Variants in ULK4 observed in about 807,000 individuals in gnomAD.
The protein encoded by ULK4 is inactive serine/threonine-protein kinase ULK4.
A neutral mutation model predicts 160.6 loss-of-function variants in ULK4; 133 were observed. That is an observed-to-expected ratio of 0.83 (90% CI 0.72 to 0.96). ULK4 has a LOEUF of 0.96. Ranked by LOEUF, ULK4 falls within the 40% of genes least tolerant of loss-of-function variation. The pLI is 0.00. For missense variants in ULK4, 1,580 were observed against 1,499.5 expected (o/e 1.05, Z -0.89); for synonymous variants, 534 against 539.8 (o/e 0.99, Z 0.15).
intron 15 of ULK4, 112 bp downstream of exon 15, chr3:41,896,710 C>T (rs567636317): frequency 6.6e-6 from 8 of 1,212,616 alleles, no homozygotes; most frequent in African/African-American, 3.0e-5. Context: ...AACCTAAAAT[C>T]GTGATAAATC....
intron 35 of ULK4, among the ~76,000 whole-genome samples, chr3:41,307,079 C>T (rs1046551226): frequency 6.6e-6 from 1 of 151,080 alleles, no homozygotes; most frequent in African/African-American, 2.4e-5. Context: ...GCTGACCTTC[C>T]CTCCACTATT....
In ULK4 at chr3:41,282,487, A is replaced by G. The variant is rs145214060; in HGVS notation, c.3679-32913T>C. ...ATGGAACAGAACAGAGGCCTCAGAA[A>G]TAACACCACACATCTACAATCATCT... On this transcript the variant is annotated intron_variant, in intron 35 of 36. Transcript: ENST00000301831. Among the ~76,000 whole-genome samples, 158 of 152,364 alleles carry G rather than the reference A, an allele frequency of 1.0e-3. 3 individuals are homozygous for G. In the East Asian group the frequency reaches 0.02, roughly 19 times the overall value.
At chr3:41,520,870 G>T (rs578082970) in intron 32 of ULK4, among the ~76,000 whole-genome samples, 2 of 152,162 alleles carry the variant, frequency 1.3e-5, no homozygotes, top group Non-Finnish European at 2.9e-5. Flanking sequence ...TTGGAGAAAT[G>T]TCTATTCAAG....
At chr3:41,941,755 C>CAAAAAAAAAAAAAAAAAAAAAA (rs565727539) in intron 2 of ULK4, among the ~76,000 whole-genome samples, 1 of 30,728 alleles carries the variant, frequency 3.3e-5, no homozygotes, top group African/African-American at 8.1e-5. Context: ...GACTCTGTCT[C>CAAAAAAAAAAAAAAAAAAAAAA]AAAAAAAAAA....
At chr3:41,432,363 T>C (rs1326619491) in intron 34 of ULK4, among the ~76,000 whole-genome samples, 1 of 152,202 alleles carries the variant, frequency 6.6e-6, no homozygotes, top group Non-Finnish European at 1.5e-5. Context: ...TCTGTTTCTC[T>C]CCGATGAACC....
Position 41,719,830 on chromosome 3 carries a change from T to C in ULK4, c.2322-1969A>G, listed in dbSNP as rs76582599. On this transcript the variant is annotated intron_variant, in intron 22 of 36. Coordinates refer to ENST00000301831, the MANE Select transcript of ULK4 (RefSeq NM_017886.4). ...CCATGGCATCTCATTGTTCTTCACA[T>C]AGGAGTTCTTAAAACTCCCTATCAT... 6.0e-4 allele frequency among the ~76,000 whole-genome samples: 91 copies of C among 152,300 alleles called. No homozygotes were observed. The East Asian group carries it at 0.016, about 26-fold the overall frequency.
intron 30 of ULK4, among the ~76,000 whole-genome samples, chr3:41,646,646 A>T (rs931577480): frequency 7.2e-4 from 110 of 152,138 alleles, no homozygotes; most frequent in African/African-American, 2.5e-3. Flanking sequence ...CATTTCAACT[A>T]TGGTGAATCT....
At chr3:41,384,335 T>C (rs2081747998) in intron 35 of ULK4, among the ~76,000 whole-genome samples, 1 of 152,086 alleles carries the variant, frequency 6.6e-6, no homozygotes, top group Admixed American at 6.6e-5. Flanking sequence ...AAGATTCTTC[T>C]AGATTAAAAG....
chr3:41,804,843 T>C (rs2040591818), intron 19 of ULK4, among the ~76,000 whole-genome samples: 1 of 152,166 alleles, frequency 6.6e-6, no homozygotes, highest in Admixed American at 6.5e-5. Flanking sequence ...TTGGTCTATA[T>C]CTCTGTTTTG....
At chr3:41,742,522 G>A (rs1022236927) in intron 22 of ULK4, among the ~76,000 whole-genome samples, 3 of 151,912 alleles carry the variant, frequency 2.0e-5, no homozygotes, top group Non-Finnish European at 4.4e-5. Flanking sequence ...TAATGACACA[G>A]AGCAAGATGA....
intron 30 of ULK4, among the ~76,000 whole-genome samples, chr3:41,632,787 A>C (rs963357352): frequency 6.6e-6 from 1 of 152,148 alleles, no homozygotes; most frequent in Admixed American, 6.6e-5. Flanking sequence ...ACTTCAGATG[A>C]CAAATTAAGG....
At chr3:41,268,544 G>A (rs1670733682) in intron 35 of ULK4, among the ~76,000 whole-genome samples, 1 of 152,130 alleles carries the variant, frequency 6.6e-6, no homozygotes, top group African/African-American at 2.4e-5. Flanking sequence ...GGTGGCTTAT[G>A]CCTGTAATCC....
chr3:41,651,315 G>C (rs1377670959), intron 30 of ULK4, among the ~76,000 whole-genome samples: 2 of 152,130 alleles, frequency 1.3e-5, no homozygotes, highest in Admixed American at 1.3e-4. Flanking sequence ...TTCCCAAAGA[G>C]AGGCTGTCTC....
chr3:41,946,376 G>T (rs192125919), intron 2 of ULK4, among the ~76,000 whole-genome samples: 1 of 152,238 alleles, frequency 6.6e-6, no homozygotes, highest in Non-Finnish European at 1.5e-5. Flanking sequence ...CAGTGCTGGG[G>T]GCAGTGTTGA....
At position 41,752,636 on chromosome 3, in the gene ULK4, T is replaced by G. The variant is rs751509151; in HGVS notation, c.2321+1725A>C. Among the ~76,000 whole-genome samples, 135 of 152,352 alleles carry G rather than the reference T, an allele frequency of 8.9e-4. 1 individual carries two copies. Among genetic ancestry groups the G allele is most frequent in the African/African-American group, 2.7e-3 (114 of 41,580 alleles). ...ACAAATGCCTTCCCAGTGACAAATC[T>G]GCTCAATGAAAATCATATGTTCATG... is the stretch of plus-strand genomic sequence containing the variant. On this transcript the variant is annotated intron_variant, in intron 22 of 36. Coordinates refer to ENST00000301831, the MANE Select transcript of ULK4 (RefSeq NM_017886.4).
At chr3:41,717,931 G>C in intron 22 of ULK4, 70 bp from the exon 23 acceptor site, 1 of 1,533,302 alleles carries the variant, frequency 6.5e-7, no homozygotes, top group Non-Finnish European at 8.9e-7. Flanking sequence ...CAAAAATGCC[G>C]CCAAGGCAAG....
intron 35 of ULK4, among the ~76,000 whole-genome samples, chr3:41,316,945 A>G (rs540207927): frequency 2.6e-5 from 4 of 151,974 alleles, no homozygotes; most frequent in Admixed American, 2.6e-4. Context: ...CTCTCTATTC[A>G]CATATTTTTC....
intron 22 of ULK4, among the ~76,000 whole-genome samples, chr3:41,743,902 T>A (rs140400032): frequency 6.6e-6 from 1 of 151,658 alleles, no homozygotes; most frequent in Non-Finnish European, 1.5e-5. Flanking sequence ...AAGACAATTA[T>A]ATTTTAAAAG....
intron 19 of ULK4, among the ~76,000 whole-genome samples, chr3:41,801,883 G>T (rs1338068297): frequency 6.6e-6 from 1 of 151,338 alleles, no homozygotes; most frequent in South Asian, 2.1e-4. Context: ...AAAAAGAAAA[G>T]AAAACTTTAC....
Sources: allele counts gnomAD v4.1 joint callset (sites outside exome capture counted in the v4.1 genomes callset), GRCh38; gene constraint gnomAD v4.1.1; transcripts MANE v1.5; gene names NCBI Gene and HGNC (gene_info 2026-07-23, HGNC 2026-07-21).